Variants in MIPOL1 observed in about 807,000 individuals in gnomAD.
MIPOL1 encodes the protein mirror-image polydactyly gene 1 protein.
MIPOL1 carries 57 observed loss-of-function variants against 60.9 expected under a neutral mutation model. That is an observed-to-expected ratio of 0.94 (90% CI 0.76 to 1.17). The LOEUF is 1.17. Ranked by LOEUF, MIPOL1 falls within the 50% of genes most tolerant of loss-of-function variation. MIPOL1 has a pLI of 0.00. For missense variants in MIPOL1, 551 were observed against 511.6 expected, an observed-to-expected ratio of 1.08 and a Z score of -0.74; for synonymous variants, 179 against 168.8, an observed-to-expected ratio of 1.06 and a Z score of -0.47.
chr14:37,307,056 AT>A (rs1371583435), intron 7 of MIPOL1, among the ~76,000 whole-genome samples: 1 of 151,650 alleles, frequency 6.6e-6, no homozygotes, highest in African/African-American at 2.4e-5. Flanking sequence ...GAGTGTAGTA[AT>A]TTTATCCAGT....
chr14:37,528,831 C>A (rs569126492), intron 12 of MIPOL1, among the ~76,000 whole-genome samples: 2 of 152,090 alleles, frequency 1.3e-5, no homozygotes, highest in Non-Finnish European at 2.9e-5. Flanking sequence ...AGTGTGTGTC[C>A]CATCAAAGAG....
chr14:37,467,149 CAAAG>C (rs1346663122), intron 11 of MIPOL1, among the ~76,000 whole-genome samples: 1 of 152,120 alleles, frequency 6.6e-6, no homozygotes, highest in Non-Finnish European at 1.5e-5. Flanking sequence ...CTTTAGCTCT[CAAAG>C]AAACAATAAC....
At chr14:37,405,018 A>G (rs1214594852) in intron 10 of MIPOL1, among the ~76,000 whole-genome samples, 1 of 152,090 alleles carries the variant, frequency 6.6e-6, no homozygotes, top group Non-Finnish European at 1.5e-5. Flanking sequence ...CTTACTTTGA[A>G]CACCACTGCC....
chr14:37,500,067 G>T lies in MIPOL1; in HGVS notation c.1191G>T (p.Glu397Asp), dbSNP rs2095193382. The T allele has an allele frequency of 2.5e-6, 4 of 1,613,878 alleles. No homozygotes were observed. The highest frequency in any genetic ancestry group is 3.4e-6 in the Non-Finnish European group (4 of 1,179,864). ...CTCAACTGCAACAAGCTCTGACAGA[G>T]CGAGCAAATATGGAATTACAACTTC... The part of the protein sequence containing the change: ...LATQLQQALT[E>D]RANMELQLQH... The change falls in exon 12 of 13, where the codon GAG (glutamate) becomes GAT (aspartate). Residue 397 changes from glutamate (E) to aspartate (D), a missense_variant. Transcript: ENST00000684589.
chr14:37,453,142 C>T (rs1014361438), intron 11 of MIPOL1, among the ~76,000 whole-genome samples: 2 of 151,988 alleles, frequency 1.3e-5, no homozygotes, highest in Non-Finnish European at 2.9e-5. Flanking sequence ...ATTTTTTTAA[C>T]TTCAAGAAGT....
chr14:37,333,385 C>T (rs1039615808), intron 9 of MIPOL1, among the ~76,000 whole-genome samples: 4 of 151,590 alleles, frequency 2.6e-5, no homozygotes, highest in African/African-American at 7.3e-5. Context: ...TCTGATATAC[C>T]GGGCCTACAC....
At chr14:37,267,292 A>G in intron 4 of MIPOL1, 123 bp downstream of exon 4, 1 of 657,634 alleles carries the variant, frequency 1.5e-6, no homozygotes, top group African/African-American at 1.8e-5. Flanking sequence ...GTTCGAGACC[A>G]GCCTGGCCAA....
At chr14:37,426,584 T>TATATATATATATATATAC (rs1315985215) in intron 11 of MIPOL1, among the ~76,000 whole-genome samples, 2 of 137,234 alleles carry the variant, frequency 1.5e-5, no homozygotes, top group East Asian at 4.2e-4. Flanking sequence ...TATATATATA[T>TATATATATATATATATAC]ATATATATAT....
chr14:37,316,966 A>G (rs1158558580), intron 9 of MIPOL1, among the ~76,000 whole-genome samples: 1 of 152,112 alleles, frequency 6.6e-6, no homozygotes, highest in Admixed American at 6.5e-5. Flanking sequence ...AGACAGAGCA[A>G]GACTCCATCT....
At position 37,547,212 on chromosome 14, in the gene MIPOL1, C is replaced by A. The variant is rs983541559; in HGVS notation, c.*241C>A. ...TTACCAATGGGTAGCTATAAGGTTA[C>A]AGCTTATTTTGTAACTATTTTATAT... On this transcript the variant is annotated 3_prime_UTR_variant, in exon 13 of 13. Coordinates refer to ENST00000684589, the MANE Select transcript of MIPOL1 (RefSeq NM_001388067.1). 5 of 432,854 alleles carry A rather than the reference C, an allele frequency of 1.2e-5. No individual in the cohort carries two copies. Among genetic ancestry groups the A allele is most frequent in the Middle Eastern group, 6.1e-4 (1 of 1,652 alleles). The allele number at this position is 432,854 out of a possible 1,614,324, so 26.8% of individuals were successfully genotyped here. A position where few individuals can be genotyped will look rare whatever the true frequency, so the allele number is the denominator to read the frequency against.
intron 1 of MIPOL1, among the ~76,000 whole-genome samples, chr14:37,232,173 G>T (rs1191927233): frequency 6.6e-6 from 1 of 152,062 alleles, no homozygotes. Context: ...AATGTATACT[G>T]TTTTATAGTA....
chr14:37,221,313 C>T (rs1968708700), intron 1 of MIPOL1, among the ~76,000 whole-genome samples: 2 of 152,150 alleles, frequency 1.3e-5, no homozygotes, highest in Non-Finnish European at 2.9e-5. Context: ...AAGATGAGAA[C>T]AAGAGCAGGC....
At chr14:37,311,222 T>C (rs1425229999) in intron 9 of MIPOL1, among the ~76,000 whole-genome samples, 1 of 152,178 alleles carries the variant, frequency 6.6e-6, no homozygotes, top group Non-Finnish European at 1.5e-5. Context: ...GCATTAAATC[T>C]GGCTTTTCTT....
chr14:37,242,554 T>G (rs1972520491), intron 1 of MIPOL1, among the ~76,000 whole-genome samples: 1 of 152,230 alleles, frequency 6.6e-6, no homozygotes, highest in Non-Finnish European at 1.5e-5. Flanking sequence ...ATATAGGTTT[T>G]CCATATGGTT....
At chr14:37,371,729 T>C (rs1305357054) in intron 10 of MIPOL1, among the ~76,000 whole-genome samples, 1 of 152,176 alleles carries the variant, frequency 6.6e-6, no homozygotes, top group Non-Finnish European at 1.5e-5. Context: ...CTAAAGTTGT[T>C]CTGAAAATTA....
In MIPOL1 at chr14:37,543,404, T is replaced by C. The variant is rs540347174; in HGVS notation, c.1263-3501T>C. On this transcript the variant is annotated intron_variant, in intron 12 of 12. Coordinates refer to ENST00000684589, the MANE Select transcript of MIPOL1 (RefSeq NM_001388067.1). ...AGTTCTTGTGTCTCAGCCTCCCGAATAGCTGGGATTACAGGCATGTGCCAC... is the reference window on the plus strand; with the variant it reads ...AGTTCTTGTGTCTCAGCCTCCCGAACAGCTGGGATTACAGGCATGTGCCAC... Among the ~76,000 whole-genome samples the C allele has an allele frequency of 1.6e-4, 24 of 152,238 alleles. No homozygotes were observed. The South Asian group carries it at 2.1e-3, about 13-fold the overall frequency.
At chr14:37,530,509 A>T (rs2095472676) in intron 12 of MIPOL1, among the ~76,000 whole-genome samples, 1 of 152,168 alleles carries the variant, frequency 6.6e-6, no homozygotes, top group Admixed American at 6.5e-5. Context: ...AGATTGTATA[A>T]CCCCATTTCC....
intron 10 of MIPOL1, among the ~76,000 whole-genome samples, chr14:37,413,706 AGATTAC>A (rs544574274): frequency 3.3e-5 from 5 of 152,204 alleles, no homozygotes; most frequent in Non-Finnish European, 7.3e-5. Context: ...ATCTCCTCCC[AGATTAC>A]ATGTGGGCAT....
chr14:37,483,112 AC>A, intron 11 of MIPOL1, among the ~76,000 whole-genome samples: 1 of 106,404 alleles, frequency 9.4e-6, no homozygotes, highest in East Asian at 3.1e-4. Context: ...TATAGACACA[AC>A]CTTTTTTTTT....
Sources: gnomAD v4.1 joint callset for allele counts (sites outside exome capture counted in the v4.1 genomes callset) on GRCh38, gnomAD v4.1.1 for gene constraint, MANE v1.5 for transcripts, NCBI Gene and HGNC (gene_info 2026-07-23, HGNC 2026-07-21) for gene names.